The following UBE2F variants were observed in gnomAD, a reference collection of about 807,000 sequenced individuals.
UBE2F encodes NEDD8-conjugating enzyme UBE2F.
A neutral mutation model predicts 29.6 loss-of-function variants in UBE2F; 5 were observed. The observed-to-expected ratio is 0.17, with a 90% CI of 0.09 to 0.36. The LOEUF is 0.36. Among genes scored for constraint, UBE2F ranks in the 10% least tolerant of loss-of-function variants. The probability of loss-of-function intolerance (pLI) is 1.00; values close to 1 mark genes in which losing one functional copy is unlikely to be tolerated. For missense variants in UBE2F, 141 were observed against 228.5 expected, an observed-to-expected ratio of 0.62 and a Z score of 2.47; for synonymous variants, 66 against 81.8, an observed-to-expected ratio of 0.81 and a Z score of 1.04.
intron 4 of UBE2F, among the ~76,000 whole-genome samples, chr2:238,000,613 T>G (rs57477119): frequency 0.027 from 4,064 of 152,342 alleles, 173 homozygotes; most frequent in African/African-American, 0.093. Flanking sequence ...TACATGAAGC[T>G]GTTAAAATTT....
chr2:237,988,718 A>C (rs1453871117), intron 3 of UBE2F, among the ~76,000 whole-genome samples: 1 of 151,956 alleles, frequency 6.6e-6, no homozygotes, highest in African/African-American at 2.4e-5. Context: ...CCTCTTCCAG[A>C]TGCATTCTGT....
intron 4 of UBE2F, among the ~76,000 whole-genome samples, chr2:238,011,883 A>T (rs1447697045): frequency 6.6e-6 from 1 of 151,846 alleles, no homozygotes; most frequent in Non-Finnish European, 1.5e-5. Context: ...TGTACAAAGT[A>T]TTTTCTTTTT....
In UBE2F at chr2:238,029,493, G is replaced by A. The variant is rs1373234501; in HGVS notation, c.354-1063G>A. Among the ~76,000 whole-genome samples, 3 of 151,802 alleles carry A rather than the reference G, an allele frequency of 2.0e-5. No individual in the cohort carries two copies. In the East Asian group the frequency reaches 5.8e-4, roughly 29 times the overall value. On this transcript the variant is annotated intron_variant, in intron 6 of 9. Transcript: ENST00000272930. ...CCTTGTAGTCCCAGCTACTCAGGAGGCTGAGGCAGGAGAATGGCGTAAAAC... is the reference window on the plus strand; with the variant it reads ...CCTTGTAGTCCCAGCTACTCAGGAGACTGAGGCAGGAGAATGGCGTAAAAC...
At chr2:238,013,219 G>A (rs1363183687) in intron 4 of UBE2F, among the ~76,000 whole-genome samples, 1 of 152,086 alleles carries the variant, frequency 6.6e-6, no homozygotes, top group Non-Finnish European at 1.5e-5. Flanking sequence ...GCAGTGAGCT[G>A]TGCACCCCAG....
chr2:237,987,851 C>CTAT (rs2063511083), intron 2 of UBE2F, 112 bp from the exon 3 acceptor site: 1 of 416,572 alleles, frequency 2.4e-6, no homozygotes, highest in Non-Finnish European at 3.8e-6. Context: ...TTCAGTTCAT[C>CTAT]CTTTTTTTTT....
chr2:238,013,790 T>C (rs940537151), intron 4 of UBE2F, among the ~76,000 whole-genome samples: 2 of 152,166 alleles, frequency 1.3e-5, no homozygotes, highest in African/African-American at 4.8e-5. Context: ...ATTCCTCTAA[T>C]TGTAACAGTG....
intron 4 of UBE2F, among the ~76,000 whole-genome samples, chr2:238,013,666 A>G (rs774029310): frequency 2.6e-5 from 4 of 152,068 alleles, no homozygotes; most frequent in Non-Finnish European, 4.4e-5. Flanking sequence ...GAGGCGACAT[A>G]CCCCTTCAAA....
intron 2 of UBE2F, among the ~76,000 whole-genome samples, chr2:237,981,747 C>T (rs529634203): frequency 2.7e-5 from 4 of 148,588 alleles, no homozygotes; most frequent in East Asian, 4.0e-4. Context: ...CCACTTCAGC[C>T]TCCTGAGTAG....
rs765015159 is a variant in UBE2F at position 238,035,907 on chromosome 2, T to C, written c.474T>C (p.Asn158=). 1.2e-5 allele frequency: 19 copies of C among 1,613,072 alleles called. No homozygotes were observed. Among genetic ancestry groups the C allele is most frequent in the Middle Eastern group, 1.9e-4 (1 of 5,336 alleles). Residue 158 remains asparagine, a synonymous_variant, in exon 9 of 10, where the codon AAT becomes AAC. Transcript: ENST00000272930. ...TTTTGAATTTTGATGATCCACTGAA[T>C]ATTGAAGCTGCAGAACATCATTTGC... ...TDLLNFDDPL[N]IEAAEHHLRD...
intron 2 of UBE2F, among the ~76,000 whole-genome samples, chr2:237,985,767 C>A (rs1245707389): frequency 6.6e-6 from 1 of 152,128 alleles, no homozygotes; most frequent in African/African-American, 2.4e-5. Context: ...TTTTGAGGAA[C>A]TTCCATACTG....
chr2:237,990,793 T>A (rs898085862), intron 3 of UBE2F, among the ~76,000 whole-genome samples: 2 of 150,412 alleles, frequency 1.3e-5, no homozygotes, highest in African/African-American at 4.9e-5. Context: ...TATTATTATT[T>A]TTTTGTAGAG....
rs1038721315 is a variant in UBE2F at position 238,021,913 on chromosome 2, C to T, written c.283-3429C>T. Among the ~76,000 whole-genome samples the T allele has an allele frequency of 2.0e-5, 3 of 152,170 alleles. 1 individual carries two copies. The South Asian group carries it at 6.2e-4, about 32-fold the overall frequency. ...CATCTTATGTCTGTCTGCCTCTTTCCTCTGGATCAGTTCCTAGACATGGCA... is the reference window on the plus strand; with the variant it reads ...CATCTTATGTCTGTCTGCCTCTTTCTTCTGGATCAGTTCCTAGACATGGCA... On this transcript the variant is annotated intron_variant, in intron 5 of 9. Transcript: ENST00000272930.
At chr2:237,994,020 A>C (rs1460112945) in intron 3 of UBE2F, among the ~76,000 whole-genome samples, 1 of 152,126 alleles carries the variant, frequency 6.6e-6, no homozygotes, top group African/African-American at 2.4e-5. Context: ...TTAGGTAGTA[A>C]AGGTATTTTT....
intron 4 of UBE2F, among the ~76,000 whole-genome samples, chr2:237,995,124 CG>C (rs2063665293): frequency 6.6e-6 from 1 of 152,132 alleles, no homozygotes; most frequent in Non-Finnish European, 1.5e-5. Flanking sequence ...TTTTCCCTTA[CG>C]TAGGAATAGT....
rs752621115 is a variant in UBE2F at position 238,032,219 on chromosome 2, C to T, written c.412-3C>T. On this transcript the variant is annotated splice_polypyrimidine_tract_variant and splice_region_variant and intron_variant, in intron 7 of 9. Coordinates refer to ENST00000272930, the MANE Select transcript of UBE2F (RefSeq NM_080678.3). ...TTGTTTTCTGTTTTCTTTTTTATTT[C>T]AGGATGTCGTTTGGGGATTAAACTC... 6 of 1,612,434 alleles carry T rather than the reference C, an allele frequency of 3.7e-6. No individual in the cohort carries two copies. Among genetic ancestry groups the T allele is most frequent in the Non-Finnish European group, 5.1e-6 (6 of 1,178,880 alleles).
Position 238,040,236 on chromosome 2 carries a change from C to G in UBE2F, c.508-1052C>G, listed in dbSNP as rs2064809850. Among the ~76,000 whole-genome samples the G allele has an allele frequency of 6.6e-6, 1 of 152,228 alleles. No individual in the cohort carries two copies. Among genetic ancestry groups the G allele is most frequent in the Admixed American group, 6.5e-5 (1 of 15,284 alleles). On this transcript the variant is annotated intron_variant, in intron 9 of 9. Coordinates refer to ENST00000272930, the MANE Select transcript of UBE2F (RefSeq NM_080678.3). The surrounding 1 kb of genome is among the most constrained non-coding windows in gnomAD (Gnocchi z 4.4). ...GGGCAGGCACCTGGTGCCCAGCTGGCCAGGACCATGCTCCAGGCAGGATCT... is the reference window on the plus strand; with the variant it reads ...GGGCAGGCACCTGGTGCCCAGCTGGGCAGGACCATGCTCCAGGCAGGATCT...
intron 1 of UBE2F, among the ~76,000 whole-genome samples, chr2:237,972,020 T>G (rs141728517): frequency 2.0e-3 from 310 of 152,356 alleles, no homozygotes; most frequent in African/African-American, 7.3e-3. Context: ...TCACCTGTGT[T>G]TGGTCTTTGT....
At chr2:237,975,707 C>T (rs962554634) in intron 2 of UBE2F, among the ~76,000 whole-genome samples, 2 of 152,068 alleles carry the variant, frequency 1.3e-5, no homozygotes, top group Non-Finnish European at 2.9e-5. Flanking sequence ...GGCATGATCT[C>T]GGCCCACTGC....
chr2:237,981,044 T>C (rs762458595), intron 2 of UBE2F, among the ~76,000 whole-genome samples: 2 of 152,242 alleles, frequency 1.3e-5, no homozygotes, highest in African/African-American at 2.4e-5. Context: ...AAGGAAGTTA[T>C]GCGGCCACGG....
Sources: gnomAD v4.1 joint callset for allele counts (sites outside exome capture counted in the v4.1 genomes callset) on GRCh38, gnomAD v4.1.1 for gene constraint, Gnocchi (gnomAD v3.1) non-coding constraint, MANE v1.5 for transcripts, NCBI Gene and HGNC (gene_info 2026-07-23, HGNC 2026-07-21) for gene names.